The following PPP2R2D variants were observed in gnomAD, a reference collection of about 807,000 sequenced individuals.
PPP2R2D encodes protein phosphatase 2 regulatory subunit Bdelta, also known as serine/threonine-protein phosphatase 2A 55 kDa regulatory subunit B delta isoform.
Under a neutral mutation model 31.1 loss-of-function variants are expected in PPP2R2D, and 9 were observed. That is an observed-to-expected ratio of 0.29 (90% CI 0.17 to 0.51). The LOEUF (loss-of-function observed/expected upper bound fraction) is 0.51, where lower values mean the gene tolerates loss of function less well. Among genes scored for constraint, PPP2R2D ranks in the 20% least tolerant of loss-of-function variants. The pLI is 0.98. For missense variants in PPP2R2D, 391 were observed against 465.6 expected (o/e 0.84, Z 1.48); for synonymous variants, 179 against 172.6 (o/e 1.04, Z -0.29).
rs782272306 is a variant in PPP2R2D, at chr10:131,955,939, C to G, written c.1338C>G (p.Tyr446Ter). 1 of 1,567,322 alleles carries G rather than the reference C, an allele frequency of 6.4e-7. No individual in the cohort carries two copies. Among genetic ancestry groups the G allele is most frequent in the Non-Finnish European group, 8.7e-7 (1 of 1,151,892 alleles). Residue 446 changes from tyrosine to a stop codon, truncating the protein, a stop_gained, in exon 9 of 9, where the codon TAC (tyrosine) becomes TAG (stop). Transcript: ENST00000455566. LOFTEE classifies it high-confidence loss of function. ...VIAVAATNNL[Y>*]IFQDKIN ...CCGTGGCTGCCACCAATAACTTGTA[C>G]ATATTCCAGGACAAAATCAACTAGA...
chr10:131,952,900 G>T (rs1454934069), intron 8 of PPP2R2D, among the ~76,000 whole-genome samples: 48 of 77,802 alleles, frequency 6.2e-4, no homozygotes, highest in African/African-American at 2.3e-3. Flanking sequence ...GGTGTGTGTG[G>T]GGGGTTCACT....
At chr10:131,971,326 G>A in the PPP2R2D span, 1 of 270,990 alleles carries the variant, frequency 3.7e-6, no homozygotes, top group South Asian at 4.8e-5. Context: ...CGGCAGCACT[G>A]GTTATAAGAA....
chr10:131,930,360 T>C, intron 2 of PPP2R2D, among the ~76,000 whole-genome samples: 1 of 152,360 alleles, frequency 6.6e-6, no homozygotes, highest in Middle Eastern at 3.4e-3. Flanking sequence ...CTGGCTCATG[T>C]CCTGAGATTC....
At chr10:131,961,831 G>GTTT (rs58049480), downstream of PPP2R2D, among the ~76,000 whole-genome samples, 4 of 147,688 alleles carry the variant, frequency 2.7e-5, no homozygotes, top group South Asian at 6.4e-4. Flanking sequence ...GTCCTCCAGG[G>GTTT]TTTTTTTTTT....
At position 131,947,393 on chromosome 10, in the gene PPP2R2D, G is replaced by C; in HGVS notation, c.821-137G>C. On this transcript the variant is annotated intron_variant, in intron 7 of 8. Transcript: ENST00000455566. This position sits in a 1 kb window ranked among gnomAD's most constrained non-coding sequence, Gnocchi z 4.3. ...GAAGATCAGAAAACCTAGAGAATCA[G>C]AAAGATCAGAAGACCTAGTGTTGAG... is the stretch of plus-strand genomic sequence containing the variant. The C allele has an allele frequency of 2.3e-6, 2 of 870,138 alleles. No homozygotes were observed. The highest frequency in any genetic ancestry group is 5.3e-5 in the East Asian group (2 of 37,680). The allele number at this position is 870,138 out of a possible 1,614,324, so 53.9% of individuals were successfully genotyped here.
intron 2 of PPP2R2D, among the ~76,000 whole-genome samples, chr10:131,918,476 G>A (rs556267369): frequency 5.4e-5 from 8 of 147,050 alleles, no homozygotes; most frequent in Non-Finnish European, 8.9e-5. Context: ...CACAGTGTTT[G>A]TAGGGACCTC....
At chr10:131,965,616 C>G in the PPP2R2D span, among the ~76,000 whole-genome samples, 4 of 152,072 alleles carry the variant, frequency 2.6e-5, no homozygotes, top group African/African-American at 9.7e-5. Context: ...AGCTAATTTT[C>G]TTGTATTTTA....
At chr10:131,960,961 G>A (rs2036912891), downstream of PPP2R2D, among the ~76,000 whole-genome samples, 1 of 151,998 alleles carries the variant, frequency 6.6e-6, no homozygotes, top group Admixed American at 6.6e-5. Context: ...GGTGCTGAGT[G>A]GGGCTGTAGC....
intron 2 of PPP2R2D, among the ~76,000 whole-genome samples, chr10:131,913,463 C>CT (rs1165359603): frequency 6.6e-6 from 1 of 152,030 alleles, no homozygotes; most frequent in Non-Finnish European, 1.5e-5. Context: ...ATACATGTGT[C>CT]TTTGACTAGA....
At chr10:131,948,020 A>C (rs1419337837) in intron 8 of PPP2R2D, among the ~76,000 whole-genome samples, 2 of 152,250 alleles carry the variant, frequency 1.3e-5, no homozygotes, top group Non-Finnish European at 2.9e-5. Context: ...CAAGAAGTAT[A>C]GCACTAGGTA....
At chr10:131,939,014 C>T (rs1472807017) in intron 3 of PPP2R2D, among the ~76,000 whole-genome samples, 1 of 152,264 alleles carries the variant, frequency 6.6e-6, no homozygotes, top group Non-Finnish European at 1.5e-5. Flanking sequence ...CAGAAGCAGC[C>T]AGAGACAGTA....
Position 131,940,185 on chromosome 10 carries a change from T to C in PPP2R2D, c.353T>C (p.Leu118Pro). The change falls in exon 4 of 9, where the codon CTG (leucine) becomes CCG (proline). Residue 118 changes from leucine (L) to proline (P), a missense_variant. Leu to Pro is a moderately conservative substitution (Grantham distance 98). This residue lies in a region of PPP2R2D where 105 missense variants were observed against 98.5 expected (regional missense o/e 1.07). Coordinates refer to ENST00000455566, the MANE Select transcript of PPP2R2D (RefSeq NM_018461.5). Reference sequence around the variant, plus strand: ...CAACAGAATGCTGCTCATTTTCTACTGTCTACAAATGGTAAGAATTGTGTT... The same window carrying C: ...CAACAGAATGCTGCTCATTTTCTACCGTCTACAAATGGTAAGAATTGTGTT... ...LPQQNAAHFL[L>P]STNDKTIKLW... is the part of the protein sequence containing the mutation. 1.3e-6 allele frequency: 1 copy of C among 743,458 alleles called. No homozygotes were observed. Among genetic ancestry groups the C allele is most frequent in the Non-Finnish European group, 2.5e-6 (1 of 403,176 alleles). 46.1% of individuals were successfully genotyped at this position (743,458 alleles called of 1,614,324 possible). A position where few individuals can be genotyped will look rare whatever the true frequency, so the allele number is the denominator to read the frequency against.
At chr10:131,931,722 G>A (rs531485075) in intron 2 of PPP2R2D, among the ~76,000 whole-genome samples, 117 of 152,332 alleles carry the variant, frequency 7.7e-4, no homozygotes, top group Non-Finnish European at 1.4e-3. Flanking sequence ...TGAGTGTAGC[G>A]AGGCTGCTGT....
chr10:131,970,733 C>T, the PPP2R2D span: 12 of 1,614,070 alleles, frequency 7.4e-6, 1 homozygote, highest in South Asian at 4.4e-5. The surrounding 1 kb of genome is among the most constrained non-coding windows in gnomAD (Gnocchi z 4.1). Context: ...TCATGACGCT[C>T]GTGTTCCTCA....
At chr10:131,924,809 A>G (rs1339031472) in intron 2 of PPP2R2D, among the ~76,000 whole-genome samples, 1 of 148,170 alleles carries the variant, frequency 6.7e-6, no homozygotes, top group Non-Finnish European at 1.5e-5. Context: ...AACTTTCTGT[A>G]TATTCAGGTC....
chr10:131,934,103 C>T (rs546608852), intron 2 of PPP2R2D, among the ~76,000 whole-genome samples: 233 of 152,206 alleles, frequency 1.5e-3, no homozygotes, highest in African/African-American at 5.0e-3. Flanking sequence ...AATTAGGCAA[C>T]ATTCTTCAGG....
At chr10:131,950,182 GC>G (rs1233139561) in intron 8 of PPP2R2D, among the ~76,000 whole-genome samples, 1 of 152,088 alleles carries the variant, frequency 6.6e-6, no homozygotes, top group Non-Finnish European at 1.5e-5. Context: ...GGGCTAAAGA[GC>G]CAAACAGAAA....
chr10:131,926,338 G>A lies in PPP2R2D; in HGVS notation c.101-8120G>A, dbSNP rs114449262. ...AGCTTCTTTGAAAAGACACAGAAAC[G>A]TGTGTATATGTGTGTGCGTGTGCAT... On this transcript the variant is annotated intron_variant, in intron 2 of 8. Coordinates refer to ENST00000455566, the MANE Select transcript of PPP2R2D (RefSeq NM_018461.5). Among the ~76,000 whole-genome samples, 440 of 152,214 alleles carry A rather than the reference G, an allele frequency of 2.9e-3. 4 individuals carry two copies. Among genetic ancestry groups the A allele is most frequent in the African/African-American group, 9.9e-3 (412 of 41,522 alleles).
At chr10:131,942,988 G>T (rs1554897396) in intron 5 of PPP2R2D, among the ~76,000 whole-genome samples, 1 of 152,138 alleles carries the variant, frequency 6.6e-6, no homozygotes, top group Admixed American at 6.5e-5. Context: ...ACTCAGTTGA[G>T]AGCTTTTCTT....
Sources: allele counts gnomAD v4.1 joint callset (sites outside exome capture counted in the v4.1 genomes callset), GRCh38; gene constraint gnomAD v4.1.1; regional missense constraint gnomAD v4.1.1; non-coding constraint Gnocchi (gnomAD v3.1); transcripts MANE v1.5; gene names NCBI Gene and HGNC (gene_info 2026-07-23, HGNC 2026-07-21).